Variants in ROBO2 observed in about 807,000 individuals in gnomAD.
ROBO2 encodes roundabout guidance receptor 2, also known as roundabout homolog 2.
In ROBO2, 53 loss-of-function variants were observed where a neutral mutation model predicts 160.8. That is an observed-to-expected ratio of 0.33 (90% confidence interval 0.26 to 0.41). The LOEUF (loss-of-function observed/expected upper bound fraction) is 0.41. Ranked by LOEUF, ROBO2 falls within the 10% of genes least tolerant of loss-of-function variation. ROBO2 has a pLI of 1.00. For missense variants in ROBO2, 1,577 were observed against 1,722.4 expected, an observed-to-expected ratio of 0.92 and a Z score of 1.49; for synonymous variants, 664 against 611.7, an observed-to-expected ratio of 1.09 and a Z score of -1.26.
In ROBO2 at chr3:76,146,695, A is replaced by AGG. The variant is rs1291120209; in HGVS notation, c.109+209095_109+209096dup. 2.3e-4 allele frequency among the ~76,000 whole-genome samples: 26 copies of AGG among 114,346 alleles called. No individual in the cohort carries two copies. The East Asian group carries it at 3.2e-3, about 14-fold the overall frequency. 75.0% of individuals were successfully genotyped at this position (114,346 alleles called of 152,430 possible). A position where few individuals can be genotyped will look rare whatever the true frequency, so the allele number is the denominator to read the frequency against. ...CTCACTTAAAAGCATGGGATTACAT[A>AGG]GGGTGTGTGTGTGTGTGTGTGTGTG... On this transcript the variant is annotated intron_variant, in intron 2 of 26. Coordinates refer to the ROBO2 transcript ENST00000487694.
intron 2 of ROBO2, among the ~76,000 whole-genome samples, chr3:77,289,091 A>G (rs539406632): frequency 6.6e-6 from 1 of 152,282 alleles, no homozygotes; most frequent in South Asian, 2.1e-4. Context: ...ATATACAGGC[A>G]CTTGATATGT....
chr3:76,452,470 CA>C (rs1293892387), intron 2 of ROBO2, among the ~76,000 whole-genome samples: 2 of 152,060 alleles, frequency 1.3e-5, no homozygotes, highest in Non-Finnish European at 1.5e-5. Context: ...TGATGATTTC[CA>C]ATTTCATCCA....
intron 2 of ROBO2, among the ~76,000 whole-genome samples, chr3:76,933,666 C>T (rs1219573831): frequency 6.6e-6 from 1 of 152,118 alleles, no homozygotes; most frequent in African/African-American, 2.4e-5. Flanking sequence ...GATTGTTGGA[C>T]TCATACATTA....
chr3:77,597,490 A>G (rs1373936055), intron 19 of ROBO2, among the ~76,000 whole-genome samples: 3 of 152,092 alleles, frequency 2.0e-5, no homozygotes, highest in African/African-American at 7.2e-5. Context: ...AGCTGGGTTT[A>G]GAGAATGATG....
intron 2 of ROBO2, among the ~76,000 whole-genome samples, chr3:76,789,277 G>A (rs746267804): frequency 6.6e-6 from 1 of 151,370 alleles, no homozygotes; most frequent in Non-Finnish European, 1.5e-5. Context: ...TCTTTAAAAA[G>A]AACATAGCAA....
intron 2 of ROBO2, among the ~76,000 whole-genome samples, chr3:76,610,325 C>T (rs1417143041): frequency 2.0e-5 from 3 of 152,234 alleles, no homozygotes; most frequent in African/African-American, 4.8e-5. Flanking sequence ...TCGCTCAGCC[C>T]GCTCAGCCAG....
chr3:77,407,089 G>T (rs1431306887), intron 2 of ROBO2, among the ~76,000 whole-genome samples: 1 of 152,116 alleles, frequency 6.6e-6, no homozygotes, highest in Non-Finnish European at 1.5e-5. Flanking sequence ...GCCTCCCAAA[G>T]TGCTGGAATT....
chr3:77,336,313 C>T (rs1316880883), intron 2 of ROBO2, among the ~76,000 whole-genome samples: 1 of 152,112 alleles, frequency 6.6e-6, no homozygotes, highest in Non-Finnish European at 1.5e-5. Flanking sequence ...CTCTCAGGTT[C>T]AGCAAAAGAT....
intron 2 of ROBO2, among the ~76,000 whole-genome samples, chr3:76,530,107 C>A (rs1490758799): frequency 2.6e-5 from 4 of 152,186 alleles, no homozygotes; most frequent in African/African-American, 9.6e-5. Context: ...GGCCCTCTTT[C>A]TGCCTCAACA....
chr3:76,484,468 G>A (rs567079937), intron 2 of ROBO2, among the ~76,000 whole-genome samples: 1 of 152,296 alleles, frequency 6.6e-6, no homozygotes, highest in Non-Finnish European at 1.5e-5. Context: ...ACAGTCAAGT[G>A]GGGAGTCGGC....
chr3:77,050,307 C>T (rs1273791198), intron 1 of ROBO2, among the ~76,000 whole-genome samples: 4 of 151,922 alleles, frequency 2.6e-5, no homozygotes, highest in Non-Finnish European at 5.9e-5. Context: ...TTTCACCTTC[C>T]TCATCTTAAG....
intron 5 of ROBO2, among the ~76,000 whole-genome samples, chr3:77,508,009 A>G (rs2153613380): frequency 1.3e-5 from 2 of 152,064 alleles, no homozygotes; most frequent in South Asian, 4.1e-4. Context: ...AAATAATGAA[A>G]TACTCCTTTC....
intron 2 of ROBO2, among the ~76,000 whole-genome samples, chr3:77,316,231 C>T (rs765494156): frequency 1.3e-5 from 2 of 152,056 alleles, no homozygotes; most frequent in Non-Finnish European, 2.9e-5. Flanking sequence ...CAAAATGGCA[C>T]GGAAGAAACA....
intron 2 of ROBO2, among the ~76,000 whole-genome samples, chr3:76,681,026 C>T (rs1411680380): frequency 1.3e-5 from 2 of 152,142 alleles, no homozygotes; most frequent in East Asian, 3.9e-4. Context: ...ATCCGCCCAC[C>T]TCAGCCTCCC....
chr3:77,529,267 A>T (rs1187861073), intron 6 of ROBO2, among the ~76,000 whole-genome samples: 5 of 151,560 alleles, frequency 3.3e-5, no homozygotes, highest in Admixed American at 6.6e-5. Context: ...TGGAATACAA[A>T]AACTTTGCAA....
chr3:77,192,890 G>A (rs1190452543), intron 2 of ROBO2, among the ~76,000 whole-genome samples: 1 of 151,874 alleles, frequency 6.6e-6, no homozygotes, highest in Non-Finnish European at 1.5e-5. Context: ...CTGGCCTCAA[G>A]TGATCCACCT....
intron 2 of ROBO2, chr3:77,316,901 T>C: frequency 8.5e-7 from 1 of 1,179,282 alleles, no homozygotes; most frequent in South Asian, 1.2e-5. Flanking sequence ...TTCACTTTAG[T>C]GGAGAAGCAG....
chr3:76,046,738 CCTT>C lies in ROBO2; in HGVS notation c.109+109139_109+109141del, dbSNP rs1205761508. 2.0e-5 allele frequency among the ~76,000 whole-genome samples: 3 copies of C among 151,870 alleles called. No homozygotes were observed. The East Asian group carries it at 5.8e-4, about 29-fold the overall frequency. ...CTGAACTACTTTGGTCCTCATAAAACCTTCTCTTTATGAGGGGCCATAGGAAAT... is the reference window on the plus strand; with the variant it reads ...CTGAACTACTTTGGTCCTCATAAAACCTCTTTATGAGGGGCCATAGGAAAT... On this transcript the variant is annotated intron_variant, in intron 2 of 26. Transcript: ENST00000487694.
At chr3:76,254,802 A>G (rs1706256046) in intron 2 of ROBO2, among the ~76,000 whole-genome samples, 1 of 151,980 alleles carries the variant, frequency 6.6e-6, no homozygotes, top group South Asian at 2.1e-4. Context: ...GGACTGTTTC[A>G]ACATCGATCA....
Sources: gnomAD v4.1 joint callset for allele counts (sites outside exome capture counted in the v4.1 genomes callset) on GRCh38, gnomAD v4.1.1 for gene constraint, MANE v1.5 for transcripts, NCBI Gene and HGNC (gene_info 2026-07-23, HGNC 2026-07-21) for gene names.